The following ZGRF1 variants were observed in gnomAD, a reference collection of about 807,000 sequenced individuals.
ZGRF1 encodes the protein zinc finger GRF-type containing 1, also known as 5'-3' DNA helicase ZGRF1.
ZGRF1 carries 196 observed loss-of-function variants against 203.5 expected under a neutral mutation model. That is an observed-to-expected ratio of 0.96 (90% CI 0.86 to 1.08). The LOEUF (loss-of-function observed/expected upper bound fraction) is 1.08, where lower values mean the gene tolerates loss of function less well. Ranked by LOEUF, ZGRF1 falls within the 50% of genes least tolerant of loss-of-function variation. The pLI, the probability that ZGRF1 is intolerant of heterozygous loss-of-function variation, is 0.00. For synonymous variants in ZGRF1, 809 were observed against 841.3 expected (o/e 0.96, Z 0.66); for missense variants, 2,326 against 2,416.3 (o/e 0.96, Z 0.78).
intron 10 of ZGRF1, among the ~76,000 whole-genome samples, chr4:112,602,553 T>C (rs1047969145): frequency 6.6e-6 from 1 of 152,228 alleles, no homozygotes; most frequent in Non-Finnish European, 1.5e-5. Flanking sequence ...AACATAAGTA[T>C]GTCACGCATG....
Position 112,589,860 on chromosome 4 carries a change from T to G in ZGRF1, c.2991A>C (p.Glu997Asp), listed in dbSNP as rs1191475912. The G allele has an allele frequency of 2.5e-6, 4 of 1,601,652 alleles. No individual in the cohort carries two copies. The African/African-American group carries it at 5.4e-5, about 22-fold the overall frequency. Residue 997 changes from glutamate (E) to aspartate (D), a missense_variant, in exon 11 of 28, where the codon GAA becomes GAC. By Grantham distance (45) the Glu-to-Asp change is conservative. Transcript: ENST00000505019. Reference sequence around the variant, plus strand: ...CAGGGCTCAATGTAGAGATGTTTTCTTCTGGTGATGTCACCTATACAGAAA... The same window carrying G: ...CAGGGCTCAATGTAGAGATGTTTTCGTCTGGTGATGTCACCTATACAGAAA... ...QIDFLQVTSP[E>D]ENISTLSPVS...
At chr4:112,573,165 G>GACAC (rs1553987580) in intron 16 of ZGRF1, among the ~76,000 whole-genome samples, 1 of 75,318 alleles carries the variant, frequency 1.3e-5, no homozygotes, top group Middle Eastern at 6.7e-3. Context: ...AAGAAATTGT[G>GACAC]ATACACACAC....
chr4:112,634,510 G>A (rs576962715), intron 1 of ZGRF1, among the ~76,000 whole-genome samples: 1 of 151,982 alleles, frequency 6.6e-6, no homozygotes, highest in Non-Finnish European at 1.5e-5. Context: ...AATTAGCCAG[G>A]TGTGGTGGTG....
chr4:112,598,562 G>A (rs1327301404), intron 10 of ZGRF1, among the ~76,000 whole-genome samples: 1 of 151,992 alleles, frequency 6.6e-6, no homozygotes, highest in Non-Finnish European at 1.5e-5. Context: ...TGTAGCCACT[G>A]TAATCATTAG....
In ZGRF1 at chr4:112,617,424, G is replaced by C; in HGVS notation, c.2602+16C>G. 6.6e-7 allele frequency: 1 copy of C among 1,504,352 alleles called. No homozygotes were observed. 93.2% of individuals were successfully genotyped at this position (1,504,352 alleles called of 1,614,324 possible). On this transcript the variant is annotated intron_variant, in intron 6 of 27. Coordinates refer to ENST00000505019, the MANE Select transcript of ZGRF1 (RefSeq NM_018392.5). ...CCTATAAAGAAAACATTCCAAAATAGACATGCAATTCTAACCTTCAGGAGG... is the reference window on the plus strand; with the variant it reads ...CCTATAAAGAAAACATTCCAAAATACACATGCAATTCTAACCTTCAGGAGG...
intron 3 of ZGRF1, among the ~76,000 whole-genome samples, chr4:112,631,371 A>G (rs1299119717): frequency 6.6e-6 from 1 of 152,008 alleles, no homozygotes; most frequent in African/African-American, 2.4e-5. Context: ...AAAAATTATC[A>G]TTAACAATAG....
chr4:112,553,450 T>A (rs899822693), intron 22 of ZGRF1, among the ~76,000 whole-genome samples: 1 of 152,250 alleles, frequency 6.6e-6, no homozygotes, highest in African/African-American at 2.4e-5. Context: ...AAATTTCATT[T>A]GGATATTTTA....
Position 112,632,069 on chromosome 4 carries a change from T to A in ZGRF1, c.22-59A>T, listed in dbSNP as rs148732776. ...ATTTATATATATTTAATGTTATGTATTTTATATATCCTTCCTACATACAAA... is the reference window on the plus strand; with the variant it reads ...ATTTATATATATTTAATGTTATGTAATTTATATATCCTTCCTACATACAAA... On this transcript the variant is annotated intron_variant, in intron 2 of 27. Coordinates refer to ENST00000505019, the MANE Select transcript of ZGRF1 (RefSeq NM_018392.5). 9.2e-4 allele frequency: 712 copies of A among 773,390 alleles called. 4 individuals carry two copies. The African/African-American group carries it at 0.011, about 12-fold the overall frequency. 47.9% of individuals were successfully genotyped at this position (773,390 alleles called of 1,614,324 possible).
At chr4:112,567,984 A>T (rs1743451154) in intron 16 of ZGRF1, among the ~76,000 whole-genome samples, 1 of 152,126 alleles carries the variant, frequency 6.6e-6, no homozygotes. Context: ...CAGAAATATT[A>T]GGTTGGAAAA....
chr4:112,629,053 A>T (rs775750127), intron 3 of ZGRF1, among the ~76,000 whole-genome samples: 4 of 152,316 alleles, frequency 2.6e-5, no homozygotes, highest in African/African-American at 4.8e-5. Context: ...ATAGACTTGG[A>T]GATCCTGTTG....
At chr4:112,591,057 G>A (rs1163996670) in intron 10 of ZGRF1, among the ~76,000 whole-genome samples, 4 of 152,052 alleles carry the variant, frequency 2.6e-5, no homozygotes, top group Admixed American at 2.0e-4. Context: ...AAATACTCAT[G>A]ATCCCTGGAC....
At chr4:112,627,101 G>A (rs924194356) in intron 3 of ZGRF1, among the ~76,000 whole-genome samples, 7 of 152,222 alleles carry the variant, frequency 4.6e-5, no homozygotes, top group Admixed American at 6.5e-5. Flanking sequence ...ATGAGCCACC[G>A]CGCCCAGCCT....
chr4:112,576,528 GA>G (rs1179695490), intron 16 of ZGRF1, among the ~76,000 whole-genome samples: 1 of 151,798 alleles, frequency 6.6e-6, no homozygotes, highest in Non-Finnish European at 1.5e-5. Context: ...TAAAAACCTT[GA>G]AAAAAAATTA....
chr4:112,578,165 C>G (rs1416453462), intron 16 of ZGRF1, among the ~76,000 whole-genome samples: 1 of 122,832 alleles, frequency 8.1e-6, no homozygotes. Flanking sequence ...ACAACCTGCT[C>G]CTGAATGACT....
intron 4 of ZGRF1, among the ~76,000 whole-genome samples, chr4:112,623,229 T>C (rs962558593): frequency 1.3e-5 from 2 of 152,230 alleles, no homozygotes; most frequent in African/African-American, 4.8e-5. Flanking sequence ...GGTGTATTTC[T>C]ATCTCATTTT....
intron 6 of ZGRF1, among the ~76,000 whole-genome samples, chr4:112,614,673 A>C (rs913379449): frequency 6.6e-6 from 1 of 152,176 alleles, no homozygotes; most frequent in Non-Finnish European, 1.5e-5. Context: ...AAAAAAAAAC[A>C]AAAATTAGTT....
intron 16 of ZGRF1, among the ~76,000 whole-genome samples, chr4:112,571,102 C>CA (rs11423362): frequency 0.46 from 55,804 of 121,380 alleles, 11,138 homozygotes; most frequent in Admixed American, 0.54. Context: ...GACTGCATTT[C>CA]AAAAAAAAAA....
At chr4:112,625,976 A>C (rs1462636557) in intron 3 of ZGRF1, among the ~76,000 whole-genome samples, 2 of 152,194 alleles carry the variant, frequency 1.3e-5, no homozygotes, top group Non-Finnish European at 2.9e-5. Context: ...AACCCTGAAA[A>C]TATTATGCTA....
intron 6 of ZGRF1, among the ~76,000 whole-genome samples, chr4:112,613,946 G>A (rs1484068644): frequency 6.6e-6 from 1 of 151,922 alleles, no homozygotes; most frequent in Non-Finnish European, 1.5e-5. Flanking sequence ...CTAAAATTCA[G>A]AATAAAATAA....
Sources: allele counts gnomAD v4.1 joint callset (sites outside exome capture counted in the v4.1 genomes callset), GRCh38; gene constraint gnomAD v4.1.1; transcripts MANE v1.5; gene names NCBI Gene and HGNC (gene_info 2026-07-23, HGNC 2026-07-21).